BICD1: variants seen among roughly 807,000 people sequenced by gnomAD.
BICD1 encodes the protein protein bicaudal D homolog 1.
A neutral mutation model predicts 92.5 loss-of-function variants in BICD1; 35 were observed. That is an observed-to-expected ratio of 0.38 (90% CI 0.29 to 0.50). The LOEUF (loss-of-function observed/expected upper bound fraction) is 0.50, where lower values mean the gene tolerates loss of function less well. Among genes scored for constraint, BICD1 ranks in the 20% least tolerant of loss-of-function variants. The probability of loss-of-function intolerance (pLI) is 0.93; values close to 1 mark genes in which losing one functional copy is unlikely to be tolerated. For synonymous variants in BICD1, 429 were observed against 465.1 expected (o/e 0.92, Z 1.00); for missense variants, 950 against 1,189.8 (o/e 0.80, Z 2.97).
intron 2 of BICD1, among the ~76,000 whole-genome samples, chr12:32,242,383 T>A (rs775192308): frequency 6.6e-6 from 1 of 151,882 alleles, no homozygotes; most frequent in Non-Finnish European, 1.5e-5. Flanking sequence ...ACAAATTAGC[T>A]GGGCATGGTG....
At chr12:32,198,326 C>CATATA (rs1944789369) in intron 1 of BICD1, among the ~76,000 whole-genome samples, 1 of 112,242 alleles carries the variant, frequency 8.9e-6, no homozygotes, top group African/African-American at 3.5e-5. Context: ...TAATATGCAT[C>CATATA]TATCTATATA....
chr12:32,376,207 C>CAA, intron 9 of BICD1, among the ~76,000 whole-genome samples: 1 of 151,646 alleles, frequency 6.6e-6, no homozygotes, highest in Non-Finnish European at 1.5e-5. Flanking sequence ...CCTCAGCCTC[C>CAA]CGAATAGCTG....
At chr12:32,277,891 C>A (rs1408211564) in intron 2 of BICD1, among the ~76,000 whole-genome samples, 1 of 152,190 alleles carries the variant, frequency 6.6e-6, no homozygotes, top group African/African-American at 2.4e-5. Flanking sequence ...TAACACATTA[C>A]CTTAATGCAA....
At chr12:32,171,785 T>C (rs991456237) in intron 1 of BICD1, among the ~76,000 whole-genome samples, 8 of 151,920 alleles carry the variant, frequency 5.3e-5, no homozygotes, top group Admixed American at 5.2e-4. Flanking sequence ...AATGTAAAAA[T>C]TAGCTGGGCA....
At chr12:32,142,926 A>G (rs12298918) in intron 1 of BICD1, among the ~76,000 whole-genome samples, 55 of 152,316 alleles carry the variant, frequency 3.6e-4, no homozygotes, top group African/African-American at 1.3e-3. Context: ...GTGGCACTCC[A>G]TGAGGCTTAA....
At position 32,268,701 on chromosome 12, in the gene BICD1, C is replaced by G. The variant is rs373666228; in HGVS notation, c.427-25293C>G. ...ATCCCAGCTACTTGGGAGGCTGAGG[C>G]AGAAGAATCACTTGAACCCAGGAGG... On this transcript the variant is annotated intron_variant, in intron 2 of 9. Transcript: ENST00000652176. Among the ~76,000 whole-genome samples the G allele has an allele frequency of 6.6e-5, 10 of 152,230 alleles. No homozygotes were observed. The East Asian group carries it at 1.4e-3, about 21-fold the overall frequency.
At chr12:32,355,577 G>A (rs1287993909) in intron 8 of BICD1, among the ~76,000 whole-genome samples, 10 of 152,158 alleles carry the variant, frequency 6.6e-5, no homozygotes, top group African/African-American at 1.7e-4. Context: ...TGAGGCAGGC[G>A]GATTGCTTGA....
At chr12:32,286,251 TG>T (rs1421185777) in intron 2 of BICD1, among the ~76,000 whole-genome samples, 3 of 152,218 alleles carry the variant, frequency 2.0e-5, no homozygotes, top group Non-Finnish European at 4.4e-5. Context: ...TTTTTTACAA[TG>T]TATATATTCC....
intron 9 of BICD1, among the ~76,000 whole-genome samples, chr12:32,375,423 G>A (rs898382938): frequency 2.0e-5 from 3 of 152,016 alleles, no homozygotes; most frequent in Non-Finnish European, 4.4e-5. Context: ...CCAGCTACTC[G>A]GGAGGCTGAA....
At chr12:32,238,923 A>C (rs1231230938) in intron 2 of BICD1, among the ~76,000 whole-genome samples, 8 of 136,110 alleles carry the variant, frequency 5.9e-5, no homozygotes, top group Admixed American at 4.5e-4. Context: ...CAGCTTGGGC[A>C]ACAAGAGCAA....
chr12:32,296,045 G>T (rs1417168665), intron 3 of BICD1, among the ~76,000 whole-genome samples: 1 of 152,038 alleles, frequency 6.6e-6, no homozygotes, highest in Non-Finnish European at 1.5e-5. Flanking sequence ...TCAAAAAAGG[G>T]CTACTGGAGT....
intron 4 of BICD1, among the ~76,000 whole-genome samples, chr12:32,311,240 G>A (rs1199599138): frequency 1.3e-5 from 2 of 152,328 alleles, no homozygotes; most frequent in South Asian, 2.1e-4. Context: ...GCTCACGCCT[G>A]TAATCCCAAC....
chr12:32,326,249 A>T (rs1948776100), intron 4 of BICD1, among the ~76,000 whole-genome samples: 1 of 152,108 alleles, frequency 6.6e-6, no homozygotes, highest in African/African-American at 2.4e-5. Context: ...ACACCATGAT[A>T]CTTCTTATAG....
In BICD1 at chr12:32,195,212, C is replaced by T. The variant is rs542617343; in HGVS notation, c.214-21035C>T. Among the ~76,000 whole-genome samples, 16 of 152,110 alleles carry T rather than the reference C, an allele frequency of 1.1e-4. No individual in the cohort carries two copies. In the South Asian group the frequency reaches 1.7e-3, roughly 16 times the overall value. On this transcript the variant is annotated intron_variant, in intron 1 of 9. Transcript: ENST00000652176. ...CTGAAAGCAACATACAGATTCAATG[C>T]GATGCCTATCAAAATTTTAATGGCA... is the stretch of plus-strand genomic sequence containing the variant.
intron 2 of BICD1, among the ~76,000 whole-genome samples, chr12:32,263,635 T>C (rs189219268): frequency 6.5e-4 from 99 of 152,242 alleles, no homozygotes; most frequent in Non-Finnish European, 1.2e-3. Context: ...TAAATAATTA[T>C]TTGCAACACA....
At chr12:32,203,024 A>G (rs1171343716) in intron 1 of BICD1, among the ~76,000 whole-genome samples, 1 of 151,824 alleles carries the variant, frequency 6.6e-6, no homozygotes, top group African/African-American at 2.4e-5. Flanking sequence ...ACATTATAGG[A>G]TAGCCTAGAA....
intron 2 of BICD1, among the ~76,000 whole-genome samples, chr12:32,272,695 G>A (rs752459068): frequency 6.6e-6 from 1 of 152,154 alleles, no homozygotes; most frequent in Non-Finnish European, 1.5e-5. Flanking sequence ...GCGTGGTGAC[G>A]TGCACCTGTA....
chr12:32,302,880 A>ATTTTTTT (rs371035402), intron 3 of BICD1, among the ~76,000 whole-genome samples: 2 of 109,908 alleles, frequency 1.8e-5, no homozygotes, highest in Non-Finnish European at 3.5e-5. Context: ...TCCAATGACC[A>ATTTTTTT]TTTTTTTTTT....
At position 32,289,089 on chromosome 12, in the gene BICD1, G is replaced by A. The variant is rs1000896413; in HGVS notation, c.427-4905G>A. Among the ~76,000 whole-genome samples, 31 of 152,198 alleles carry A rather than the reference G, an allele frequency of 2.0e-4. 2 individuals carry two copies. The highest frequency in any genetic ancestry group is 1.6e-3 in the Admixed American group (25 of 15,286). ...CAGAAGCAAGCTGGCATGTCCAATG[G>A]GATAGAGGAGCAGAAGGAAAGCTCC... is the stretch of plus-strand genomic sequence containing the variant. On this transcript the variant is annotated intron_variant, in intron 2 of 9. Coordinates refer to ENST00000652176, the MANE Select transcript of BICD1 (RefSeq NM_001714.4).
Sources: allele counts gnomAD v4.1 joint callset (sites outside exome capture counted in the v4.1 genomes callset), GRCh38; gene constraint gnomAD v4.1.1; transcripts MANE v1.5; gene names NCBI Gene and HGNC (gene_info 2026-07-23, HGNC 2026-07-21).